The following SEMA4A variants were observed in gnomAD, a reference collection of about 807,000 sequenced individuals.
SEMA4A encodes semaphorin-4A.
A neutral mutation model predicts 72.5 loss-of-function variants in SEMA4A; 52 were observed. That is an observed-to-expected ratio of 0.72 (90% CI 0.57 to 0.90). The LOEUF is 0.90. SEMA4A is among the 40% of genes least tolerant of loss of function. The pLI is 0.00. For missense variants in SEMA4A, 926 were observed against 959.7 expected, an observed-to-expected ratio of 0.96 and a Z score of 0.46; for synonymous variants, 369 against 393.1, an observed-to-expected ratio of 0.94 and a Z score of 0.73.
upstream of SEMA4A, among the ~76,000 whole-genome samples, chr1:156,153,154 A>G (rs1652685475): frequency 6.6e-6 from 1 of 152,216 alleles, no homozygotes; most frequent in Non-Finnish European, 1.5e-5. Flanking sequence ...ATCATGGATA[A>G]GAGCCTAATA....
upstream of SEMA4A, among the ~76,000 whole-genome samples, chr1:156,148,801 CTTT>C (rs371528689): frequency 3.9e-5 from 5 of 128,734 alleles, no homozygotes; most frequent in Admixed American, 7.7e-5. Flanking sequence ...TTTCTTTTTT[CTTT>C]TTTTTTTTTT....
At chr1:156,161,294 G>A in intron 8 of SEMA4A, 52 bp from the exon 9 acceptor site, 1 of 1,235,066 alleles carries the variant, frequency 8.1e-7, no homozygotes, top group Non-Finnish European at 1.1e-6. Flanking sequence ...GACACGCGGG[G>A]CTGGGGGGTC....
intron 10 of SEMA4A, among the ~76,000 whole-genome samples, chr1:156,168,271 G>C (rs1654374116): frequency 6.6e-6 from 1 of 151,196 alleles, no homozygotes; most frequent in Non-Finnish European, 1.5e-5. Flanking sequence ...GCCCAGGCTG[G>C]GGTGCAGTGG....
At chr1:156,163,821 G>C (rs1023723206) in intron 10 of SEMA4A, among the ~76,000 whole-genome samples, 16 of 150,436 alleles carry the variant, frequency 1.1e-4, no homozygotes, top group African/African-American at 3.9e-4. Flanking sequence ...AGGTTCACTT[G>C]AGGCCAGGAG....
intron 9 of SEMA4A, among the ~76,000 whole-genome samples, chr1:156,162,672 C>T (rs746564837): frequency 2.0e-5 from 3 of 152,238 alleles, no homozygotes; most frequent in Non-Finnish European, 2.9e-5. Context: ...CAGGGGCCAC[C>T]CCAGGGCCTG....
At chr1:156,158,333 G>A in intron 4 of SEMA4A, 55 bp from the exon 5 acceptor site, 1 of 1,441,294 alleles carries the variant, frequency 6.9e-7, no homozygotes. Context: ...AGCCTCTGGG[G>A]GTCCAGCAAT....
At chr1:156,171,423 C>T (rs1182743556) in intron 10 of SEMA4A, among the ~76,000 whole-genome samples, 3 of 152,170 alleles carry the variant, frequency 2.0e-5, no homozygotes, top group South Asian at 2.1e-4. Context: ...GCAGCAAGTT[C>T]GTGCAAAACC....
chr1:156,167,400 G>A (rs1245309642), intron 10 of SEMA4A, among the ~76,000 whole-genome samples: 2 of 149,716 alleles, frequency 1.3e-5, no homozygotes, highest in African/African-American at 2.5e-5. Flanking sequence ...TGAAGTAGGA[G>A]GATCACTTGA....
At chr1:156,154,358 G>T (rs1335821683) in intron 1 of SEMA4A, 192 bp from the exon 2 acceptor site, 2 of 601,688 alleles carry the variant, frequency 3.3e-6, no homozygotes, top group East Asian at 2.8e-5. Context: ...GAGGTGACAG[G>T]CTGAGGCCTG....
At position 156,174,807 on chromosome 1, in the gene SEMA4A, TCTGTCTC is replaced by T. The variant is rs772948446; in HGVS notation, c.1316-13_1316-7del. The T allele has an allele frequency of 6.2e-7, 1 of 1,614,156 alleles. No individual in the cohort carries two copies. Among genetic ancestry groups the T allele is most frequent in the Non-Finnish European group, 8.5e-7 (1 of 1,180,018 alleles). On this transcript the variant is annotated splice_polypyrimidine_tract_variant and splice_region_variant and intron_variant, in intron 11 of 14. Transcript: ENST00000368285. ...ATGAGATGAGATGACTTCCACTCTC[TCTGTCTC>T]CCCATAGCCACAGGGTCGCTCCACA... is the stretch of plus-strand genomic sequence containing the variant.
chr1:156,176,479 T>G lies in SEMA4A; in HGVS notation c.1768T>G (p.Tyr590Asp), dbSNP rs1341532667. ...CPHLSALASY[Y>D]WSHGPAAVPE... ...CCACCTGTCAGCCTTGGCCTCTTAT[T>G]ATTGGAGTCATGGCCCAGCAGCAGT... The change falls in exon 15 of 15, where the codon TAT becomes GAT. Residue 590 changes from tyrosine to aspartate, a missense_variant. By Grantham distance (160) the Tyr-to-Asp change is radical (BLOSUM62 -3). Coordinates refer to ENST00000368285, the MANE Select transcript of SEMA4A (RefSeq NM_022367.4). 2 of 1,613,980 alleles carry G rather than the reference T, an allele frequency of 1.2e-6. No homozygotes were observed. The highest frequency in any genetic ancestry group is 2.7e-5 in the African/African-American group (2 of 74,876).
intron 11 of SEMA4A, among the ~76,000 whole-genome samples, chr1:156,174,106 C>T (rs763634321): frequency 3.1e-4 from 46 of 150,372 alleles, no homozygotes; most frequent in Non-Finnish European, 4.0e-4. Context: ...AGTGAAAATC[C>T]GTCTCAAAAA....
chr1:156,156,617 G>A (rs938505197), intron 3 of SEMA4A, 43 bp downstream of exon 3: 2 of 1,608,748 alleles, frequency 1.2e-6, no homozygotes, highest in Non-Finnish European at 1.7e-6. Flanking sequence ...GGAGTGAAGA[G>A]GGGGCCGGCA....
chr1:156,167,557 C>T (rs191872607), intron 10 of SEMA4A, among the ~76,000 whole-genome samples: 81 of 151,474 alleles, frequency 5.3e-4, no homozygotes, highest in Non-Finnish European at 8.7e-4. Flanking sequence ...CTATTTTTCT[C>T]GTGCATTTTT....
At chr1:156,165,907 C>CTTTTTT (rs71080751) in intron 10 of SEMA4A, among the ~76,000 whole-genome samples, 85 of 112,918 alleles carry the variant, frequency 7.5e-4, no homozygotes, top group Admixed American at 1.4e-3. Flanking sequence ...TTCCTATCTT[C>CTTTTTT]TTTTTTTTTT....
At chr1:156,154,173 C>A (rs1215434891) in intron 1 of SEMA4A, among the ~76,000 whole-genome samples, 2 of 152,106 alleles carry the variant, frequency 1.3e-5, no homozygotes, top group African/African-American at 4.8e-5. Context: ...ATGTTCCCTG[C>A]CCAGAGCCAG....
intron 2 of SEMA4A, chr1:156,155,729 G>A (rs1652949654): frequency 6.1e-6 from 1 of 163,512 alleles, no homozygotes; most frequent in Non-Finnish European, 1.3e-5. Context: ...GTGCTAATGA[G>A]AGAGGATCTG....
intron 10 of SEMA4A, among the ~76,000 whole-genome samples, chr1:156,172,079 C>T (rs980853788): frequency 1.3e-4 from 19 of 145,786 alleles, no homozygotes; most frequent in Admixed American, 7.0e-4. Context: ...CCACTGTGCC[C>T]GGCTGTTTGT....
At chr1:156,172,686 C>G in intron 10 of SEMA4A, 140 bp from the exon 11 acceptor site, 1 of 818,258 alleles carries the variant, frequency 1.2e-6, no homozygotes, top group Non-Finnish European at 2.1e-6. Flanking sequence ...TCAGGCAGCT[C>G]CAGAGTCGGA....
Sources: allele counts gnomAD v4.1 joint callset (sites outside exome capture counted in the v4.1 genomes callset), GRCh38; gene constraint gnomAD v4.1.1; transcripts MANE v1.5; gene names NCBI Gene and HGNC (gene_info 2026-07-23, HGNC 2026-07-21).